KLHL42: variants seen among roughly 807,000 people sequenced by gnomAD.
KLHL42 encodes the protein kelch like family member 42, also known as kelch-like protein 42.
In KLHL42, 27 loss-of-function variants were observed where a neutral mutation model predicts 32.7. The ratio of observed to expected loss-of-function variants is 0.83; its 90% CI spans 0.61 to 1.14. The LOEUF (loss-of-function observed/expected upper bound fraction) is 1.14. Among genes scored for constraint, KLHL42 ranks in the 50% most tolerant of loss-of-function variants. KLHL42 has a pLI of 0.00. For missense variants in KLHL42, 491 were observed against 560.8 expected (o/e 0.88, Z 1.26); for synonymous variants, 267 against 248.2 (o/e 1.08, Z -0.71).
chr12:27,784,423 A>G (rs920093224), intron 1 of KLHL42, among the ~76,000 whole-genome samples: 2 of 151,406 alleles, frequency 1.3e-5, no homozygotes, highest in African/African-American at 4.9e-5. Context: ...TTAAGTTGTG[A>G]GCCACCGCGC....
chr12:27,797,396 T>C (rs1591817179), intron 2 of KLHL42: 2 of 507,586 alleles, frequency 3.9e-6, no homozygotes, highest in Non-Finnish European at 7.7e-6. Flanking sequence ...TTACTTTTTT[T>C]ACACTGACCT....
At chr12:27,791,652 A>T in intron 1 of KLHL42, 56 bp from the exon 2 acceptor site, 1 of 1,439,836 alleles carries the variant, frequency 6.9e-7, no homozygotes, top group Non-Finnish European at 9.7e-7. Flanking sequence ...TGCCATTGTT[A>T]CACTTTTCAT....
rs1565480579 is a variant in KLHL42, at chr12:27,780,801, C to A, written c.471C>A (p.Phe157Leu). The A allele has an allele frequency of 6.2e-7, 1 of 1,613,764 alleles. No individual in the cohort carries two copies. Among genetic ancestry groups the A allele is most frequent in the Admixed American group, 1.7e-5 (1 of 60,030 alleles). The change falls in exon 1 of 3, where the codon TTC becomes TTA. Residue 157 changes from phenylalanine to leucine, a missense_variant. This residue lies in a region of KLHL42 where 248 missense variants were observed against 329.2 expected (regional missense o/e 0.75). Transcript: ENST00000381271. This position sits in a 1 kb window ranked among gnomAD's most constrained non-coding sequence, Gnocchi z 8.8. ...GCCTGCGCTTCATGGTCGTCCACTT[C>A]CACGAGGTGCTGTGCAAGCCCCAGT... ...EACLRFMVVHFHEVLCKPQFH... is the reference protein window; with the variant it reads ...EACLRFMVVHLHEVLCKPQFH...
At chr12:27,790,008 T>G (rs2062189233) in intron 1 of KLHL42, among the ~76,000 whole-genome samples, 3 of 152,224 alleles carry the variant, frequency 2.0e-5, no homozygotes, top group Non-Finnish European at 4.4e-5. Context: ...TGCATCAGTT[T>G]TATTGAACAC....
At position 27,780,657 on chromosome 12, in the gene KLHL42, C is replaced by T. The variant is rs1228150733; in HGVS notation, c.327C>T (p.Ala109=). The T allele has an allele frequency of 6.3e-7, 1 of 1,582,736 alleles. No individual in the cohort carries two copies. The highest frequency in any genetic ancestry group is 1.7e-5 in the Admixed American group (1 of 58,136). The change falls in exon 1 of 3, where the codon GCC becomes GCT. Residue 109 remains alanine (A), a synonymous_variant. Transcript: ENST00000381271. This position sits in a 1 kb window ranked among gnomAD's most constrained non-coding sequence, Gnocchi z 8.8. ...VSLLSELVEA[A]SFLQVTSLLQ... ...TGCTGTCCGAGCTGGTGGAGGCGGC[C>T]TCCTTCCTGCAGGTCACGTCCCTGC...
At position 27,780,743 on chromosome 12, in the gene KLHL42, A is replaced by C. The variant is rs1346869261; in HGVS notation, c.413A>C (p.Gln138Pro). The C allele has an allele frequency of 6.2e-7, 1 of 1,613,268 alleles. No homozygotes were observed. The change falls in exon 1 of 3, where the codon CAG becomes CCG. Residue 138 changes from glutamine (Q) to proline (P), a missense_variant. By Grantham distance (76) the Gln-to-Pro change is moderately conservative. Coordinates refer to ENST00000381271, the MANE Select transcript of KLHL42 (RefSeq NM_020782.2). This position sits in a 1 kb window ranked among gnomAD's most constrained non-coding sequence, Gnocchi z 8.8. Reference protein sequence around the residue: ...NNCLEMYRLAQVYGLPDLQEA... With the variant: ...NNCLEMYRLAPVYGLPDLQEA... ...TGCCTGGAGATGTACCGCCTGGCGC[A>C]GGTGTACGGGCTGCCCGACCTGCAG...
At position 27,787,410 on chromosome 12, in the gene KLHL42, G is replaced by C. The variant is rs566527368; in HGVS notation, c.873-4298G>C. ...CTTGAGAGGCCGAGGCAGGAAAATC[G>C]CTTGAAACCGGGATGGGGAGGTTGC... On this transcript the variant is annotated intron_variant, in intron 1 of 2. Transcript: ENST00000381271. Among the ~76,000 whole-genome samples the C allele has an allele frequency of 6.6e-5, 10 of 150,756 alleles. No individual in the cohort carries two copies. In the South Asian group the frequency reaches 1.7e-3, roughly 25 times the overall value.
intron 1 of KLHL42, among the ~76,000 whole-genome samples, chr12:27,786,252 T>TA (rs1232741208): frequency 6.6e-6 from 1 of 152,178 alleles, no homozygotes; most frequent in Non-Finnish European, 1.5e-5. Context: ...TATTTCCTTC[T>TA]AAAAAATAGA....
Position 27,798,490 on chromosome 12 carries a change from T to TG in KLHL42, c.*327dup. 1 of 263,000 alleles carries TG rather than the reference T, an allele frequency of 3.8e-6. No homozygotes were observed. The allele number at this position is 263,000 out of a possible 1,614,324, so 16.3% of individuals were successfully genotyped here. A position where few individuals can be genotyped will look rare whatever the true frequency, so the allele number is the denominator to read the frequency against. ...GTGGTAAAGGGCCAAAGTCAATAAT[T>TG]GGGACAAATGGTAAAGATGATTTTA... On this transcript the variant is annotated 3_prime_UTR_variant, in exon 3 of 3. Transcript: ENST00000381271.
At chr12:27,797,376 T>G in intron 2 of KLHL42, 1 of 487,766 alleles carries the variant, frequency 2.1e-6, no homozygotes, top group South Asian at 1.5e-5. Flanking sequence ...TGATGAGGGT[T>G]CTGAGGCACT....
intron 1 of KLHL42, among the ~76,000 whole-genome samples, chr12:27,784,958 T>C (rs1490444978): frequency 6.6e-6 from 1 of 152,250 alleles, no homozygotes; most frequent in Non-Finnish European, 1.5e-5. Flanking sequence ...AATACAGATA[T>C]TAATCTCTTG....
In KLHL42 at chr12:27,780,514, C is replaced by T. The variant is rs762682104; in HGVS notation, c.184C>T (p.Leu62=). 6.5e-7 allele frequency: 1 copy of T among 1,541,602 alleles called. No homozygotes were observed. The highest frequency in any genetic ancestry group is 8.7e-7 in the Non-Finnish European group (1 of 1,146,858). ...QQLRGLSAPG[L]RLVLDFINAG... is the part of the protein sequence containing the mutation. Reference sequence around the variant, plus strand: ...GCTGCGCGGCCTCAGCGCGCCGGGCCTGCGGCTGGTGCTGGACTTCATCAA... The same window carrying T: ...GCTGCGCGGCCTCAGCGCGCCGGGCTTGCGGCTGGTGCTGGACTTCATCAA... Residue 62 remains leucine, a synonymous_variant, in exon 1 of 3, where the codon CTG becomes TTG. Transcript: ENST00000381271. This position sits in a 1 kb window ranked among gnomAD's most constrained non-coding sequence, Gnocchi z 8.8.
intron 1 of KLHL42, among the ~76,000 whole-genome samples, chr12:27,781,585 T>C (rs1420114013): frequency 6.6e-6 from 1 of 152,226 alleles, no homozygotes; most frequent in Non-Finnish European, 1.5e-5. Context: ...AATGATACAC[T>C]GGACAGTAAC....
At chr12:27,784,080 A>G (rs1459560054) in intron 1 of KLHL42, among the ~76,000 whole-genome samples, 3 of 151,352 alleles carry the variant, frequency 2.0e-5, no homozygotes, top group African/African-American at 7.3e-5. Flanking sequence ...TCATATGTCA[A>G]ATTCGTGGAA....
rs772898203 is a variant in KLHL42 at position 27,780,698 on chromosome 12, C to T, written c.368C>T (p.Ser123Phe). ...QVTSLLQLLL[S>F]QVRLNNCLEM... ...ACGTCCCTGCTGCAGCTGCTGCTGT[C>T]CCAGGTGCGGCTCAATAACTGCCTG... The change falls in exon 1 of 3, where the codon TCC becomes TTC. Residue 123 changes from serine (S) to phenylalanine (F), a missense_variant. By Grantham distance (155) the Ser-to-Phe change is radical. Coordinates refer to ENST00000381271, the MANE Select transcript of KLHL42 (RefSeq NM_020782.2). This position sits in a 1 kb window ranked among gnomAD's most constrained non-coding sequence, Gnocchi z 8.8. 1.2e-6 allele frequency: 2 copies of T among 1,609,898 alleles called. No individual in the cohort carries two copies. Among genetic ancestry groups the T allele is most frequent in the Admixed American group, 3.3e-5 (2 of 59,922 alleles).
At chr12:27,781,838 G>A (rs551637815) in intron 1 of KLHL42, among the ~76,000 whole-genome samples, 6 of 152,176 alleles carry the variant, frequency 3.9e-5, no homozygotes, top group Admixed American at 1.3e-4. Context: ...TTTCATTTAC[G>A]CAACCTTCTC....
At chr12:27,789,310 TG>T (rs2062186292) in intron 1 of KLHL42, among the ~76,000 whole-genome samples, 1 of 152,208 alleles carries the variant, frequency 6.6e-6, no homozygotes. Context: ...AGACAGCAAT[TG>T]ATGTGTGATG....
At chr12:27,788,864 ATTC>A (rs1376626064) in intron 1 of KLHL42, among the ~76,000 whole-genome samples, 2 of 152,232 alleles carry the variant, frequency 1.3e-5, no homozygotes, top group African/African-American at 2.4e-5. Flanking sequence ...TGGTCTTGAA[ATTC>A]TTCTTTTTAC....
At position 27,800,938 on chromosome 12, in the gene KLHL42, T is replaced by A. The variant is rs2062244661; in HGVS notation, c.*2772T>A. ...CCTATTTTATAGATAGCAGTCTGAA[T>A]GGTAGAGAGTCCTGTGTGTGGGTTG... On this transcript the variant is annotated 3_prime_UTR_variant, in exon 3 of 3. Transcript: ENST00000381271. 1 of 152,232 alleles carries A rather than the reference T, an allele frequency of 6.6e-6. No individual in the cohort carries two copies. Among genetic ancestry groups the A allele is most frequent in the African/African-American group, 2.4e-5 (1 of 41,458 alleles). The allele number at this position is 152,232 out of a possible 1,614,324, so 9.4% of individuals were successfully genotyped here.
Sources: allele counts gnomAD v4.1 joint callset (sites outside exome capture counted in the v4.1 genomes callset), GRCh38; gene constraint gnomAD v4.1.1; regional missense constraint gnomAD v4.1.1; non-coding constraint Gnocchi (gnomAD v3.1); transcripts MANE v1.5; gene names NCBI Gene and HGNC (gene_info 2026-07-23, HGNC 2026-07-21).